SLC2A10: variants seen among roughly 807,000 people sequenced by gnomAD.
SLC2A10 encodes the protein solute carrier family 2, facilitated glucose transporter member 10.
In SLC2A10, 25 loss-of-function variants were observed where a neutral mutation model predicts 32.1. The observed-to-expected ratio is 0.78, with a 90% CI of 0.57 to 1.09. The LOEUF (loss-of-function observed/expected upper bound fraction) is 1.09. Ranked by LOEUF, SLC2A10 falls within the 50% of genes least tolerant of loss-of-function variation. The pLI, the probability that SLC2A10 is intolerant of heterozygous loss-of-function variation, is 0.00. For missense variants in SLC2A10, 673 were observed against 686.5 expected (o/e 0.98, Z 0.22); for synonymous variants, 332 against 309.6 (o/e 1.07, Z -0.76).
chr20:46,731,300 C>G (rs1272649049), intron 4 of SLC2A10, among the ~76,000 whole-genome samples: 2 of 152,210 alleles, frequency 1.3e-5, no homozygotes, highest in African/African-American at 2.4e-5. Context: ...GGGGTGGGCA[C>G]AGTCCTCAAG....
rs759809661 is a variant in SLC2A10 at position 46,725,686 on chromosome 20, C to T, written c.650C>T (p.Ser217Phe). The change falls in exon 2 of 5, where the codon TCC (serine) becomes TTC (phenylalanine). Residue 217 changes from serine (S) to phenylalanine (F), a missense_variant. Ser to Phe is a radical substitution (Grantham distance 155, BLOSUM62 -2). Coordinates refer to ENST00000359271, the MANE Select transcript of SLC2A10 (RefSeq NM_030777.4). The stretch of plus-strand genomic sequence containing the variant: ...CTGGGCCCGGGGAGGCCACGGTACT[C>T]CTTTCTGGACCTCTTCAGGGCACGC... The part of the protein sequence containing the change: ...PKLGPGRPRY[S>F]FLDLFRARDN... 3.7e-6 allele frequency: 6 copies of T among 1,614,082 alleles called. No homozygotes were observed. The East Asian group carries it at 1.1e-4, about 30-fold the overall frequency.
At chr20:46,726,446 A>T in intron 2 of SLC2A10, 122 bp downstream of exon 2, 2 of 1,451,452 alleles carry the variant, frequency 1.4e-6, no homozygotes, top group Non-Finnish European at 1.9e-6. Context: ...TGGGTTGACC[A>T]TGAAGCCTCA....
At position 46,725,089 on chromosome 20, in the gene SLC2A10, G is replaced by A; in HGVS notation, c.53G>A (p.Gly18Asp). 2 of 1,614,212 alleles carry A rather than the reference G, an allele frequency of 1.2e-6. No individual in the cohort carries two copies. Among genetic ancestry groups the A allele is most frequent in the Non-Finnish European group, 1.7e-6 (2 of 1,180,026 alleles). The change falls in exon 2 of 5, where the codon GGT (glycine) becomes GAT (aspartate). Residue 18 changes from glycine to aspartate, a missense_variant. By Grantham distance (94) the Gly-to-Asp change is moderately conservative. Coordinates refer to ENST00000359271, the MANE Select transcript of SLC2A10 (RefSeq NM_030777.4). ...TTGTGTGCCTCTGTGTCTTTGCTGG[G>A]TGGCCTGACCTTTGGTTATGAACTG... The part of the protein sequence containing the change: ...LPLCASVSLL[G>D]GLTFGYELAV...
intron 1 of SLC2A10, among the ~76,000 whole-genome samples, chr20:46,719,743 AAT>A (rs537394264): frequency 1.5e-4 from 23 of 152,204 alleles, no homozygotes; most frequent in Non-Finnish European, 2.9e-4. Context: ...GTGTTTTCTT[AAT>A]CAAGTCTGGC....
chr20:46,725,412 C>A lies in SLC2A10; in HGVS notation c.376C>A (p.Leu126Met). The A allele has an allele frequency of 6.2e-7, 1 of 1,614,168 alleles. No individual in the cohort carries two copies. The highest frequency in any genetic ancestry group is 8.5e-7 in the Non-Finnish European group (1 of 1,180,030). Residue 126 changes from leucine (L) to methionine (M), a missense_variant, in exon 2 of 5, where the codon CTG (leucine) becomes ATG (methionine). Physicochemically the swap from Leu to Met is conservative, Grantham distance 15 (BLOSUM62 2). Coordinates refer to ENST00000359271, the MANE Select transcript of SLC2A10 (RefSeq NM_030777.4). ...SMACCIYVSE[L>M]VGPRQRGVLV... Reference sequence around the variant, plus strand: ...GGCTTGCTGTATCTACGTGTCAGAGCTGGTGGGGCCACGGCAGCGGGGAGT... The same window carrying A: ...GGCTTGCTGTATCTACGTGTCAGAGATGGTGGGGCCACGGCAGCGGGGAGT...
chr20:46,733,801 G>C lies in SLC2A10; in HGVS notation c.1593G>C (p.Pro531=). Residue 531 remains proline, a synonymous_variant, in exon 5 of 5, where the codon CCG becomes CCC. Coordinates refer to ENST00000359271, the MANE Select transcript of SLC2A10 (RefSeq NM_030777.4). The part of the protein sequence containing the change: ...FGHRQNSTGI[P]YSRIEISAAS ...ACAGGCAGAACTCCACTGGCATCCCGTACAGCCGCATCGAGATCTCTGCGG... is the reference window on the plus strand; with the variant it reads ...ACAGGCAGAACTCCACTGGCATCCCCTACAGCCGCATCGAGATCTCTGCGG... The C allele has an allele frequency of 6.2e-7, 1 of 1,614,120 alleles. No homozygotes were observed. The highest frequency in any genetic ancestry group is 8.5e-7 in the Non-Finnish European group (1 of 1,180,018).
At position 46,724,627 on chromosome 20, in the gene SLC2A10, TTGGATGGATGGA is replaced by T. The variant is rs112083429; in HGVS notation, c.5-378_5-367del. On this transcript the variant is annotated intron_variant, in intron 1 of 4. Coordinates refer to ENST00000359271, the MANE Select transcript of SLC2A10 (RefSeq NM_030777.4). The stretch of plus-strand genomic sequence containing the variant: ...AACAGATGGTGTAGATGGATGGTGG[TTGGATGGATGGA>T]TGGATGGATGGATGGATGGATGGAT... Among the ~76,000 whole-genome samples the T allele has an allele frequency of 4.0e-3, 543 of 134,950 alleles. 5 individuals carry two copies. The highest frequency in any genetic ancestry group is 0.014 in the African/African-American group (496 of 35,050). 88.5% of individuals were successfully genotyped at this position (134,950 alleles called of 152,430 possible).
chr20:46,735,780 C>T lies in SLC2A10; in HGVS notation c.*1946C>T, dbSNP rs1245432050. ...AAGTATGTCTTGTTTGTAGCCAATA[C>T]ATGGTGTATAGCACCAAAAAATGGA... On this transcript the variant is annotated 3_prime_UTR_variant, in exon 5 of 5. Coordinates refer to ENST00000359271, the MANE Select transcript of SLC2A10 (RefSeq NM_030777.4). The T allele has an allele frequency of 6.6e-6, 1 of 152,240 alleles. No homozygotes were observed. Among genetic ancestry groups the T allele is most frequent in the Non-Finnish European group, 1.5e-5 (1 of 68,040 alleles). 9.4% of individuals were successfully genotyped at this position (152,240 alleles called of 1,614,324 possible). A position where few individuals can be genotyped will look rare whatever the true frequency, so the allele number is the denominator to read the frequency against.
intron 3 of SLC2A10, among the ~76,000 whole-genome samples, chr20:46,727,676 C>A (rs1980052335): frequency 6.6e-6 from 1 of 152,062 alleles, no homozygotes; most frequent in African/African-American, 2.4e-5. Flanking sequence ...GCATTGAAAC[C>A]CATTCTGAGG....
chr20:46,732,543 G>C (rs967445882), intron 4 of SLC2A10, among the ~76,000 whole-genome samples: 1 of 152,160 alleles, frequency 6.6e-6, no homozygotes, highest in African/African-American at 2.4e-5. Context: ...AAATAAGGCA[G>C]GTTAACCTAC....
At position 46,729,574 on chromosome 20, in the gene SLC2A10, C is replaced by G. The variant is rs1215586102; in HGVS notation, c.1547+86C>G. On this transcript the variant is annotated intron_variant, in intron 4 of 4. Transcript: ENST00000359271. ...TCAGGATTTTAGTCTTTGTGCTTTC[C>G]TTTTGCAAGCGGGCATTCCTCCTGT... The G allele has an allele frequency of 2.0e-6, 3 of 1,487,484 alleles. No homozygotes were observed. In the African/African-American group the frequency reaches 4.3e-5, roughly 21 times the overall value. 92.1% of individuals were successfully genotyped at this position (1,487,484 alleles called of 1,614,324 possible).
chr20:46,708,539 C>T (rs779058397), upstream of SLC2A10, among the ~76,000 whole-genome samples: 1 of 152,200 alleles, frequency 6.6e-6, no homozygotes, highest in East Asian at 1.9e-4. Context: ...CCACAAGCTG[C>T]CCCTCTTCCA....
chr20:46,709,600 C>CGGGAG (rs1434068004), upstream of SLC2A10: 1 of 1,112,466 alleles, frequency 9.0e-7, no homozygotes, highest in Non-Finnish European at 1.2e-6. Context: ...GCGCTGCGCG[C>CGGGAG]GGGAGGGCAG....
At position 46,736,340 on chromosome 20, in the gene SLC2A10, T is replaced by C. The variant is rs1256621471; in HGVS notation, c.*2506T>C. On this transcript the variant is annotated 3_prime_UTR_variant, in exon 5 of 5. Transcript: ENST00000359271. ...ATTTACAATAAAGAGTTTGTTATTA[T>C]TTGTAAATTGTGTGCAACAAACATA... 6.6e-6 allele frequency: 1 copy of C among 152,148 alleles called. No individual in the cohort carries two copies. The highest frequency in any genetic ancestry group is 1.5e-5 in the Non-Finnish European group (1 of 68,042). The allele number at this position is 152,148 out of a possible 1,614,324, so 9.4% of individuals were successfully genotyped here.
At chr20:46,731,288 A>G (rs6512389) in intron 4 of SLC2A10, among the ~76,000 whole-genome samples, 7,079 of 152,154 alleles carry the variant, frequency 0.047, 500 homozygotes, top group African/African-American at 0.14. Context: ...GGGGGAGGGG[A>G]AGGGGTGGGC....
intron 3 of SLC2A10, among the ~76,000 whole-genome samples, chr20:46,727,731 G>A (rs1242107027): frequency 1.3e-5 from 2 of 152,190 alleles, no homozygotes; most frequent in Non-Finnish European, 2.9e-5. Flanking sequence ...GAACACCAGG[G>A]AATGACTCTG....
Position 46,726,097 on chromosome 20 carries a change from C to T in SLC2A10, c.1061C>T (p.Pro354Leu), listed in dbSNP as rs1362304169. 6 of 1,614,144 alleles carry T rather than the reference C, an allele frequency of 3.7e-6. No homozygotes were observed. In the East Asian group the frequency reaches 6.7e-5, roughly 18 times the overall value. Residue 354 changes from proline to leucine, a missense_variant, in exon 2 of 5, where the codon CCT (proline) becomes CTT (leucine). Physicochemically the swap from Pro to Leu is moderately conservative, Grantham distance 98. Transcript: ENST00000359271. ...GGCCTGCTGCAGGACTCCTCTCTAC[C>T]TCCCATTCCAAGGACCAATGAGGAC... is the stretch of plus-strand genomic sequence containing the variant. ...DSGLLQDSSL[P>L]PIPRTNEDQR...
chr20:46,715,233 C>CGTTTGTATGTTT (rs1555886973), intron 1 of SLC2A10, among the ~76,000 whole-genome samples: 6 of 151,138 alleles, frequency 4.0e-5, no homozygotes, highest in Admixed American at 4.0e-4. Flanking sequence ...TTTTATTTCA[C>CGTTTGTATGTTT]GTTTGTTTGT....
chr20:46,713,486 C>T (rs571811226), intron 1 of SLC2A10, among the ~76,000 whole-genome samples: 28 of 152,052 alleles, frequency 1.8e-4, no homozygotes, highest in African/African-American at 6.8e-4. Flanking sequence ...TGAGTTGGGA[C>T]GTGCTTGGAG....
Sources: allele counts gnomAD v4.1 joint callset (sites outside exome capture counted in the v4.1 genomes callset), GRCh38; gene constraint gnomAD v4.1.1; transcripts MANE v1.5; gene names NCBI Gene and HGNC (gene_info 2026-07-23, HGNC 2026-07-21).